Variants in CHKA observed in about 807,000 individuals in gnomAD.
The protein encoded by CHKA is choline kinase alpha, also known as CHETK-alpha.
Under a neutral mutation model 60.1 loss-of-function variants are expected in CHKA, and 34 were observed. The ratio of observed to expected loss-of-function variants is 0.57; its 90% CI spans 0.43 to 0.75. The LOEUF is 0.75. Among genes scored for constraint, CHKA ranks in the 30% least tolerant of loss-of-function variants. The pLI is 0.00. For missense variants in CHKA, 563 were observed against 561.3 expected, an observed-to-expected ratio of 1.00 and a Z score of -0.03; for synonymous variants, 217 against 223.1, an observed-to-expected ratio of 0.97 and a Z score of 0.24.
chr11:68,107,321 C>T (rs1857950394), intron 1 of CHKA, among the ~76,000 whole-genome samples: 1 of 152,056 alleles, frequency 6.6e-6, no homozygotes, highest in Non-Finnish European at 1.5e-5. Context: ...TATTCCTCTA[C>T]TTTTTTTATC....
At chr11:68,098,271 C>CAAAAAA (rs57972693) in intron 1 of CHKA, among the ~76,000 whole-genome samples, 13 of 120,632 alleles carry the variant, frequency 1.1e-4, no homozygotes, top group East Asian at 2.4e-4. Context: ...ACTCCTATCT[C>CAAAAAA]AAAAAAAAAA....
intron 1 of CHKA, among the ~76,000 whole-genome samples, chr11:68,104,876 G>A (rs921362315): frequency 1.3e-5 from 2 of 151,674 alleles, no homozygotes; most frequent in East Asian, 2.0e-4. Context: ...AGGCAAAGAC[G>A]GGCAGATCAT....
At chr11:68,087,779 G>A (rs2134625031) in intron 2 of CHKA, among the ~76,000 whole-genome samples, 1 of 152,166 alleles carries the variant, frequency 6.6e-6, no homozygotes, top group South Asian at 2.1e-4. Flanking sequence ...GATTGATTGT[G>A]ACCTTTTAAA....
At chr11:68,088,501 TTGA>T (rs1857257480) in intron 2 of CHKA, among the ~76,000 whole-genome samples, 1 of 152,074 alleles carries the variant, frequency 6.6e-6, no homozygotes, top group African/African-American at 2.4e-5. Flanking sequence ...CAAGTCCCTG[TTGA>T]TGATGAAGCT....
Position 68,121,314 on chromosome 11 carries a change from G to A in CHKA, c.-137C>T, listed in dbSNP as rs1297472300. On this transcript the variant is annotated 5_prime_UTR_variant, in exon 1 of 12. Coordinates refer to ENST00000265689, the MANE Select transcript of CHKA (RefSeq NM_001277.3). ...GGGCCGCGGCGGTTGGGCGCGCGGG[G>A]CGGCGGCGGCGGCTGCGGCGACTGC... 6.0e-6 allele frequency: 3 copies of A among 499,342 alleles called. No homozygotes were observed. The East Asian group carries it at 3.8e-4, about 63-fold the overall frequency. 30.9% of individuals were successfully genotyped at this position (499,342 alleles called of 1,614,324 possible).
chr11:68,069,262 A>C (rs910131424), intron 6 of CHKA, among the ~76,000 whole-genome samples: 1 of 152,148 alleles, frequency 6.6e-6, no homozygotes, highest in East Asian at 1.9e-4. Flanking sequence ...ATGCAGACTA[A>C]GGGCCTACTT....
At chr11:68,102,918 AG>A (rs1164366173) in intron 1 of CHKA, among the ~76,000 whole-genome samples, 1 of 152,198 alleles carries the variant, frequency 6.6e-6, no homozygotes, top group Non-Finnish European at 1.5e-5. Flanking sequence ...ACTAGAGCCC[AG>A]GAAGTCAAGG....
At chr11:68,055,379 T>A (rs1440393288) in intron 11 of CHKA, among the ~76,000 whole-genome samples, 1 of 152,090 alleles carries the variant, frequency 6.6e-6, no homozygotes, top group Non-Finnish European at 1.5e-5. Flanking sequence ...GGCAACAGAG[T>A]GAGACTCTGT....
At chr11:68,115,189 T>C (rs1279429130) in intron 1 of CHKA, among the ~76,000 whole-genome samples, 1 of 152,234 alleles carries the variant, frequency 6.6e-6, no homozygotes, top group African/African-American at 2.4e-5. Flanking sequence ...AAATTAAAGG[T>C]AGGCTAGGCT....
Position 68,121,328 on chromosome 11 carries a change from T to A in CHKA, c.-151A>T. 3.6e-6 allele frequency: 1 copy of A among 281,142 alleles called. No individual in the cohort carries two copies. Among genetic ancestry groups the A allele is most frequent in the African/African-American group, 2.3e-5 (1 of 43,112 alleles). The allele number at this position is 281,142 out of a possible 1,614,324, so 17.4% of individuals were successfully genotyped here. The stretch of plus-strand genomic sequence containing the variant: ...GGGCGCGCGGGGCGGCGGCGGCGGC[T>A]GCGGCGACTGCGGCGACTGTGGAGC... On this transcript the variant is annotated 5_prime_UTR_variant, in exon 1 of 12. Coordinates refer to ENST00000265689, the MANE Select transcript of CHKA (RefSeq NM_001277.3).
At chr11:68,103,892 G>C (rs989240767) in intron 1 of CHKA, among the ~76,000 whole-genome samples, 2 of 151,940 alleles carry the variant, frequency 1.3e-5, no homozygotes, top group Admixed American at 6.6e-5. Flanking sequence ...CAGCCTGGGA[G>C]ACAGAGCAAG....
intron 11 of CHKA, 149 bp from the exon 12 acceptor site, chr11:68,054,196 T>TCGGGGGCCTCGCTGCTCTACAGGTG: frequency 1.6e-6 from 1 of 642,290 alleles, no homozygotes; most frequent in Non-Finnish European, 2.8e-6. Context: ...GCAGGGCTGC[T>TCGGGGGCCTCGCTGCTCTACAGGTG]CGGGGGCCTC....
Position 68,058,406 on chromosome 11 carries a change from C to G in CHKA, c.1314+3547G>C, listed in dbSNP as rs186486028. 2.0e-3 allele frequency among the ~76,000 whole-genome samples: 310 copies of G among 152,276 alleles called. 1 individual carries two copies. The highest frequency in any genetic ancestry group is 4.8e-3 in the Admixed American group (73 of 15,288). On this transcript the variant is annotated intron_variant, in intron 11 of 11. Coordinates refer to ENST00000265689, the MANE Select transcript of CHKA (RefSeq NM_001277.3). ...TTAGGCCTGTGGGGAATGTACAGGT[C>G]AGTGTGGGGAGAATGAGCATCTTTA...
intron 1 of CHKA, among the ~76,000 whole-genome samples, chr11:68,112,015 T>C (rs1858164336): frequency 8.2e-6 from 1 of 122,314 alleles, no homozygotes; most frequent in Non-Finnish European, 1.6e-5. Flanking sequence ...ATCACGCCAT[T>C]GCATTCCAGC....
At chr11:68,057,537 T>C (rs1425584327) in intron 11 of CHKA, among the ~76,000 whole-genome samples, 3 of 152,194 alleles carry the variant, frequency 2.0e-5, no homozygotes, top group African/African-American at 4.8e-5. Context: ...GCCAGGATGG[T>C]CTCAATCTCC....
chr11:68,091,046 C>T (rs1208406275), intron 2 of CHKA, among the ~76,000 whole-genome samples: 1 of 152,210 alleles, frequency 6.6e-6, no homozygotes, highest in African/African-American at 2.4e-5. Context: ...GCCAAACTTG[C>T]TTCTCTGAAA....
intron 3 of CHKA, among the ~76,000 whole-genome samples, chr11:68,077,342 CT>C (rs1382689314): frequency 3.9e-5 from 6 of 152,154 alleles, no homozygotes; most frequent in African/African-American, 1.4e-4. Context: ...TACTGGTGGT[CT>C]TCTTGTCATC....
intron 3 of CHKA, among the ~76,000 whole-genome samples, chr11:68,077,825 C>T (rs1008255095): frequency 1.3e-5 from 2 of 152,102 alleles, no homozygotes; most frequent in African/African-American, 4.8e-5. Flanking sequence ...GACCTGAGAT[C>T]TGAGGTGTGA....
intron 11 of CHKA, among the ~76,000 whole-genome samples, chr11:68,055,640 G>A (rs1316363799): frequency 6.6e-6 from 1 of 152,158 alleles, no homozygotes; most frequent in Non-Finnish European, 1.5e-5. Flanking sequence ...GTAGGGTATC[G>A]CAATGAGGCT....
Sources: allele counts gnomAD v4.1 joint callset (sites outside exome capture counted in the v4.1 genomes callset), GRCh38; gene constraint gnomAD v4.1.1; transcripts MANE v1.5; gene names NCBI Gene and HGNC (gene_info 2026-07-23, HGNC 2026-07-21).